TAF8: variants seen among roughly 807,000 people sequenced by gnomAD.
TAF8 encodes TATA-box binding protein associated factor 8.
TAF8 carries 47 observed loss-of-function variants against 36.5 expected under a neutral mutation model. The observed-to-expected ratio is 1.29, with a 90% CI of 1.02 to 1.64. TAF8 has a LOEUF of 1.64. TAF8 is among the 40% of genes most tolerant of loss of function. The pLI is 0.00. For synonymous variants in TAF8, 175 were observed against 159.5 expected, an observed-to-expected ratio of 1.10 and a Z score of -0.73; for missense variants, 420 against 407.6, an observed-to-expected ratio of 1.03 and a Z score of -0.26.
At position 42,078,184 on chromosome 6, in the gene TAF8, C is replaced by T; in HGVS notation, c.*639C>T. On this transcript the variant is annotated 3_prime_UTR_variant, in exon 9 of 9. Coordinates refer to ENST00000372977, the MANE Select transcript of TAF8 (RefSeq NM_138572.3). ...AGATTACAGGCGTGAGCCACCGCAC[C>T]CCACCAGAGACTTTCTTAATCAATC... 19 of 985,734 alleles carry T rather than the reference C, an allele frequency of 1.9e-5. No homozygotes were observed. The highest frequency in any genetic ancestry group is 2.2e-5 in the Non-Finnish European group (18 of 830,182). 61.1% of individuals were successfully genotyped at this position (985,734 alleles called of 1,614,324 possible). A position where few individuals can be genotyped will look rare whatever the true frequency, so the allele number is the denominator to read the frequency against.
intron 5 of TAF8, chr6:42,057,786 A>AT (rs1765058570): frequency 2.5e-6 from 1 of 407,554 alleles, no homozygotes; most frequent in Admixed American, 4.1e-5. Flanking sequence ...GAAAAAAAAA[A>AT]GAATTCAGAT....
chr6:42,072,600 T>A (rs973064454), intron 7 of TAF8, among the ~76,000 whole-genome samples: 8 of 152,252 alleles, frequency 5.3e-5, no homozygotes, highest in African/African-American at 1.9e-4. Context: ...TCCTCACAGC[T>A]ACTTTATCTT....
rs201129664 is a variant in TAF8 at position 42,055,521 on chromosome 6, C to T, written c.203-10C>T. 6.3e-7 allele frequency: 1 copy of T among 1,597,026 alleles called. No individual in the cohort carries two copies. The highest frequency in any genetic ancestry group is 2.2e-5 in the East Asian group (1 of 44,810). The stretch of plus-strand genomic sequence containing the variant: ...TGAGAATAAGTTTTATGCCTTTAAT[C>T]CCCTCTTAGACATTTCAGAAATTGG... On this transcript the variant is annotated splice_polypyrimidine_tract_variant and intron_variant, in intron 2 of 8. Coordinates refer to ENST00000372977, the MANE Select transcript of TAF8 (RefSeq NM_138572.3).
At position 42,077,576 on chromosome 6, in the gene TAF8, C is replaced by A. The variant is rs370707818; in HGVS notation, c.*31C>A. ...GAAGGAAACCTGGCTTGTACAGGGG[C>A]GCAGATTCCACCCTCCCGGGGAGTT... On this transcript the variant is annotated 3_prime_UTR_variant, in exon 9 of 9. Transcript: ENST00000372977. 9.3e-6 allele frequency: 15 copies of A among 1,611,388 alleles called. No individual in the cohort carries two copies. The highest frequency in any genetic ancestry group is 1.3e-5 in the Non-Finnish European group (15 of 1,178,868).
intron 7 of TAF8, among the ~76,000 whole-genome samples, chr6:42,069,400 C>T (rs1367733000): frequency 2.0e-5 from 3 of 151,836 alleles, no homozygotes; most frequent in African/African-American, 7.3e-5. Context: ...GTAGGAGGAG[C>T]AAAAATAAGG....
Position 42,077,624 on chromosome 6 carries a change from G to C in TAF8, c.*79G>C. The C allele has an allele frequency of 6.3e-7, 1 of 1,584,298 alleles. No homozygotes were observed. The highest frequency in any genetic ancestry group is 8.6e-7 in the Non-Finnish European group (1 of 1,164,910). ...GTTAAAGCCACTCAAGGGAAGAAGA[G>C]GGTGACCTCCTCATGGCCAAGCCGA... On this transcript the variant is annotated 3_prime_UTR_variant, in exon 9 of 9. Transcript: ENST00000372977.
intron 2 of TAF8, among the ~76,000 whole-genome samples, chr6:42,053,473 G>T (rs987505941): frequency 2.0e-4 from 31 of 151,374 alleles, no homozygotes; most frequent in Admixed American, 4.0e-4. Flanking sequence ...GCTGAGGCAG[G>T]AGAATCGCTT....
intron 7 of TAF8, among the ~76,000 whole-genome samples, chr6:42,071,110 G>A (rs974761744): frequency 2.0e-5 from 3 of 152,094 alleles, no homozygotes; most frequent in African/African-American, 7.2e-5. Context: ...AAGGCTAATA[G>A]GGTTATATAG....
intron 5 of TAF8, among the ~76,000 whole-genome samples, chr6:42,058,402 G>A (rs925573215): frequency 1.3e-5 from 2 of 152,110 alleles, no homozygotes; most frequent in Admixed American, 6.5e-5. Flanking sequence ...ATAAAAATTA[G>A]TAATGATAAT....
At chr6:42,051,196 C>A (rs1764767978) in intron 1 of TAF8, 161 bp from the exon 2 acceptor site, 1 of 1,282,520 alleles carries the variant, frequency 7.8e-7, no homozygotes, top group Admixed American at 2.7e-5. Flanking sequence ...CTTGGGTGCT[C>A]AATTTTTACT....
intron 7 of TAF8, among the ~76,000 whole-genome samples, chr6:42,075,922 T>C (rs1765729502): frequency 6.6e-6 from 1 of 152,134 alleles, no homozygotes; most frequent in African/African-American, 2.4e-5. Flanking sequence ...AAATGAACAG[T>C]AAAGCGGCCG....
At chr6:42,068,433 A>G in intron 6 of TAF8, 32 bp from the exon 7 acceptor site, 1 of 1,613,140 alleles carries the variant, frequency 6.2e-7, no homozygotes, top group African/African-American at 1.3e-5. Flanking sequence ...TCTCTGTGAC[A>G]GTGGACTCAT....
chr6:42,065,672 TG>T (rs1562015141), intron 5 of TAF8, among the ~76,000 whole-genome samples: 1 of 152,188 alleles, frequency 6.6e-6, no homozygotes, highest in Non-Finnish European at 1.5e-5. Context: ...AGGGCTTCCC[TG>T]GGGGCACTCC....
chr6:42,086,881 C>A, downstream of TAF8: 1 of 929,986 alleles, frequency 1.1e-6, no homozygotes, highest in Non-Finnish European at 1.7e-6. Flanking sequence ...CAGATGCTAC[C>A]CCACAAGCTT....
At chr6:42,071,112 G>A (rs921168921) in intron 7 of TAF8, among the ~76,000 whole-genome samples, 5 of 152,162 alleles carry the variant, frequency 3.3e-5, no homozygotes, top group African/African-American at 1.2e-4. Context: ...GGCTAATAGG[G>A]TTATATAGTC....
intron 5 of TAF8, among the ~76,000 whole-genome samples, chr6:42,061,724 A>C (rs141705008): frequency 6.6e-6 from 1 of 152,242 alleles, no homozygotes; most frequent in East Asian, 1.9e-4. Flanking sequence ...ACACCATTTC[A>C]TATTTGACAA....
chr6:42,056,052 A>G (rs757157653), intron 4 of TAF8, 38 bp downstream of exon 4: 9 of 1,358,186 alleles, frequency 6.6e-6, no homozygotes, highest in Non-Finnish European at 9.5e-6. Context: ...GCAATTTTTC[A>G]ATTAATGCTT....
intron 2 of TAF8, among the ~76,000 whole-genome samples, chr6:42,052,323 C>G (rs1361989789): frequency 6.6e-6 from 1 of 150,974 alleles, no homozygotes; most frequent in Non-Finnish European, 1.5e-5. Context: ...AAAAGCCCCC[C>G]CCCCCTTTTT....
intron 2 of TAF8, among the ~76,000 whole-genome samples, chr6:42,054,034 G>A (rs1267533836): frequency 6.6e-6 from 1 of 152,078 alleles, no homozygotes. Context: ...CCTAAAGTAG[G>A]AGTTCTTTAC....
Sources: allele counts gnomAD v4.1 joint callset (sites outside exome capture counted in the v4.1 genomes callset), GRCh38; gene constraint gnomAD v4.1.1; transcripts MANE v1.5; gene names NCBI Gene and HGNC (gene_info 2026-07-23, HGNC 2026-07-21).